GRID2: variants seen among roughly 807,000 people sequenced by gnomAD.
GRID2 encodes glutamate ionotropic receptor delta type subunit 2.
Under a neutral mutation model 114.8 loss-of-function variants are expected in GRID2, and 33 were observed. The observed-to-expected ratio is 0.29, with a 90% CI of 0.22 to 0.38. GRID2 has a LOEUF of 0.38. Among genes scored for constraint, GRID2 ranks in the 10% least tolerant of loss-of-function variants. The pLI is 1.00. For synonymous variants in GRID2, 505 were observed against 449.9 expected (o/e 1.12, Z -1.55); for missense variants, 1,184 against 1,257.7 (o/e 0.94, Z 0.89).
At chr4:92,894,346 G>A (rs962082684) in intron 2 of GRID2, among the ~76,000 whole-genome samples, 1 of 152,090 alleles carries the variant, frequency 6.6e-6, no homozygotes, top group Non-Finnish European at 1.5e-5. Context: ...GGTTCTAGAT[G>A]ATGATTTAGT....
intron 8 of GRID2, among the ~76,000 whole-genome samples, chr4:93,322,768 G>A (rs1757375043): frequency 6.6e-6 from 1 of 152,094 alleles, no homozygotes; most frequent in African/African-American, 2.4e-5. Context: ...TCTCATTGTG[G>A]TTTTGATTTG....
chr4:93,464,750 A>G (rs148668252), intron 11 of GRID2, among the ~76,000 whole-genome samples: 1 of 152,298 alleles, frequency 6.6e-6, no homozygotes, highest in East Asian at 1.9e-4. Context: ...CACTGTAGAC[A>G]CATAAAATTG....
chr4:92,761,116 C>T (rs772849190), intron 2 of GRID2, among the ~76,000 whole-genome samples: 1 of 151,778 alleles, frequency 6.6e-6, no homozygotes, highest in Non-Finnish European at 1.5e-5. Context: ...TCATTGCAAA[C>T]CTTAGTAAGA....
intron 8 of GRID2, among the ~76,000 whole-genome samples, chr4:93,375,352 A>G (rs1271820916): frequency 6.6e-6 from 1 of 151,512 alleles, no homozygotes; most frequent in Non-Finnish European, 1.5e-5. Flanking sequence ...AGCTGGGATT[A>G]CAGGCACTCA....
At chr4:92,337,661 C>G (rs147754337) in intron 1 of GRID2, among the ~76,000 whole-genome samples, 21 of 152,262 alleles carry the variant, frequency 1.4e-4, no homozygotes, top group African/African-American at 4.6e-4. Flanking sequence ...TGTAAGAACT[C>G]ACTCACTATC....
At chr4:92,735,846 T>TC (rs1425032251) in intron 2 of GRID2, among the ~76,000 whole-genome samples, 4 of 152,222 alleles carry the variant, frequency 2.6e-5, no homozygotes, top group African/African-American at 9.6e-5. Flanking sequence ...TGAAGCCATA[T>TC]AAGTTTGGAT....
chr4:93,155,341 C>A (rs1044557576), intron 4 of GRID2, among the ~76,000 whole-genome samples: 4 of 151,870 alleles, frequency 2.6e-5, no homozygotes, highest in Non-Finnish European at 2.9e-5. Flanking sequence ...CACAGAAGGC[C>A]TTTTCTCCTC....
intron 13 of GRID2, among the ~76,000 whole-genome samples, chr4:93,617,269 T>C (rs577154739): frequency 2.0e-5 from 3 of 152,336 alleles, no homozygotes; most frequent in Admixed American, 6.5e-5. Context: ...TATAGAGCTA[T>C]CAGGGGAATG....
rs191210949 is a variant in GRID2 at position 93,740,919 on chromosome 4, C to G, written c.2361-28291C>G. Among the ~76,000 whole-genome samples, 683 of 149,340 alleles carry G rather than the reference C, an allele frequency of 4.6e-3. 6 individuals carry two copies. Among genetic ancestry groups the G allele is most frequent in the African/African-American group, 0.016 (643 of 40,416 alleles). ...TTTTTGAGCTTCAGTTCATTTTTTC[C>G]TCTTCTGTCCTACTTACCTGCAAGG... On this transcript the variant is annotated intron_variant, in intron 14 of 15. Coordinates refer to ENST00000282020, the MANE Select transcript of GRID2 (RefSeq NM_001510.4).
At chr4:93,247,255 AC>A (rs1354361191) in intron 8 of GRID2, among the ~76,000 whole-genome samples, 2 of 152,302 alleles carry the variant, frequency 1.3e-5, no homozygotes, top group East Asian at 3.9e-4. Flanking sequence ...TGTCACCTTG[AC>A]TGGGCTAAGG....
At chr4:92,339,840 A>G (rs867198867) in intron 1 of GRID2, among the ~76,000 whole-genome samples, 3 of 152,202 alleles carry the variant, frequency 2.0e-5, no homozygotes, top group Non-Finnish European at 4.4e-5. Context: ...GTTATTCTAC[A>G]TGAGCTGCTT....
chr4:93,301,746 A>G (rs958889003), intron 8 of GRID2, among the ~76,000 whole-genome samples: 4 of 152,176 alleles, frequency 2.6e-5, no homozygotes, highest in African/African-American at 7.2e-5. Context: ...TATATTTACA[A>G]TGTCTCACAT....
At chr4:93,593,845 A>G (rs370627031) in intron 13 of GRID2, among the ~76,000 whole-genome samples, 6,158 of 152,130 alleles carry the variant, frequency 0.04, 155 homozygotes, top group African/African-American at 0.07. Context: ...AGTTGATCGC[A>G]TCGGCTCCTG....
chr4:92,427,478 A>C (rs1050980968), intron 1 of GRID2, among the ~76,000 whole-genome samples: 3 of 152,224 alleles, frequency 2.0e-5, no homozygotes, highest in Non-Finnish European at 4.4e-5. Flanking sequence ...CTGTATTTTC[A>C]GTCCATCTCA....
intron 2 of GRID2, among the ~76,000 whole-genome samples, chr4:92,610,943 C>G (rs779030742): frequency 6.6e-6 from 1 of 151,124 alleles, no homozygotes; most frequent in Non-Finnish European, 1.5e-5. Context: ...TTTTGTTTTT[C>G]CAGTCAATAA....
chr4:93,631,811 T>A (rs1720919044), intron 14 of GRID2, among the ~76,000 whole-genome samples: 2 of 152,306 alleles, frequency 1.3e-5, no homozygotes, highest in Middle Eastern at 6.8e-3. Flanking sequence ...ACAATGATTG[T>A]ACTAGTTTAC....
At chr4:93,519,506 C>G (rs543596302) in intron 13 of GRID2, among the ~76,000 whole-genome samples, 2 of 152,246 alleles carry the variant, frequency 1.3e-5, no homozygotes, top group South Asian at 4.2e-4. Context: ...GTTGTAGAAA[C>G]TTCCAGGTGG....
At position 93,354,023 on chromosome 4, in the gene GRID2, G is replaced by GCGCGCA. The variant is rs59696848; in HGVS notation, c.1246-41583_1246-41582insGCGCAC. Reference sequence around the variant, plus strand: ...TAAATGTACACACAAGCACACACATGCACACACACACACACACACATATGC... The same window carrying GCGCGCA: ...TAAATGTACACACAAGCACACACATGCGCGCACACACACACACACACACACATATGC... On this transcript the variant is annotated intron_variant, in intron 8 of 15. Coordinates refer to ENST00000282020, the MANE Select transcript of GRID2 (RefSeq NM_001510.4). 6.3e-3 allele frequency among the ~76,000 whole-genome samples: 636 copies of GCGCGCA among 100,292 alleles called. 3 individuals are homozygous for GCGCGCA. Among genetic ancestry groups the GCGCGCA allele is most frequent in the African/African-American group, 0.036 (576 of 15,812 alleles). 65.8% of individuals were successfully genotyped at this position (100,292 alleles called of 152,430 possible). A position where few individuals can be genotyped will look rare whatever the true frequency, so the allele number is the denominator to read the frequency against.
intron 2 of GRID2, among the ~76,000 whole-genome samples, chr4:92,653,690 A>G (rs1732090869): frequency 6.6e-6 from 1 of 152,124 alleles, no homozygotes; most frequent in African/African-American, 2.4e-5. Flanking sequence ...TTCCACAGCT[A>G]TAAAACAATA....
Sources: gnomAD v4.1 joint callset for allele counts (sites outside exome capture counted in the v4.1 genomes callset) on GRCh38, gnomAD v4.1.1 for gene constraint, MANE v1.5 for transcripts, NCBI Gene and HGNC (gene_info 2026-07-23, HGNC 2026-07-21) for gene names.